Variants in RPS6KA2 observed in about 807,000 individuals in gnomAD.
RPS6KA2 encodes ribosomal protein S6 kinase alpha-2.
In RPS6KA2, 42 loss-of-function variants were observed where a neutral mutation model predicts 91.8. That is an observed-to-expected ratio of 0.46 (90% confidence interval 0.36 to 0.59). RPS6KA2 has a LOEUF of 0.59. RPS6KA2 is among the 20% of genes least tolerant of loss of function. The pLI is 0.00. For synonymous variants in RPS6KA2, 414 were observed against 393.6 expected (o/e 1.05, Z -0.61); for missense variants, 798 against 978.5 (o/e 0.82, Z 2.46).
chr6:166,626,642 C>G lies in RPS6KA2; in HGVS notation c.99+279G>C, dbSNP rs947196496. Among the ~76,000 whole-genome samples, 2 of 152,232 alleles carry G rather than the reference C, an allele frequency of 1.3e-5. No individual in the cohort carries two copies. The highest frequency in any genetic ancestry group is 2.9e-5 in the Non-Finnish European group (2 of 68,026). Reference sequence around the variant, plus strand: ...GGGGCTCCCTGTGGCCCACAGGGGACCATCCCACACCCCGTGCAGCCAGCG... The same window carrying G: ...GGGGCTCCCTGTGGCCCACAGGGGAGCATCCCACACCCCGTGCAGCCAGCG... On this transcript the variant is annotated intron_variant, in intron 1 of 20. Coordinates refer to ENST00000265678, the MANE Select transcript of RPS6KA2 (RefSeq NM_021135.6). This position sits in a 1 kb window ranked among gnomAD's most constrained non-coding sequence, Gnocchi z 4.1.
In RPS6KA2 at chr6:166,691,415, C is replaced by G. The variant is rs201077569; in HGVS notation, c.124-152631G>C. The stretch of plus-strand genomic sequence containing the variant: ...AGGCTATTCCCAAAATAACTCTTCT[C>G]GTGTGTCACTCCCTGCCCCAGGCGC... On this transcript the variant is annotated intron_variant, in intron 2 of 21. Transcript: ENST00000503859. Among the ~76,000 whole-genome samples the G allele has an allele frequency of 3.9e-4, 60 of 152,294 alleles. 2 individuals carry two copies. The East Asian group carries it at 0.011, about 28-fold the overall frequency.
chr6:166,586,483 AAATC>A (rs1318888402), intron 1 of RPS6KA2: 1 of 1,596,600 alleles, frequency 6.3e-7, no homozygotes, highest in Non-Finnish European at 8.5e-7. Flanking sequence ...GTCATTCTGA[AAATC>A]CCAAAGGTTT....
Position 166,432,458 on chromosome 6 carries a change from T to C in RPS6KA2, c.1365A>G (p.Glu455=). The part of the protein sequence containing the change: ...IIDKSKRDPS[E]EIEILLRYGQ... ...CGTACCGCAGGAGGATCTCAATCTC[T>C]TCCGAGGGGTCTCTCTTGCTCTTAT... Residue 455 remains glutamate, a synonymous_variant, in exon 15 of 21, where the codon GAA becomes GAG. Transcript: ENST00000265678. The C allele has an allele frequency of 1.2e-6, 2 of 1,613,508 alleles. No individual in the cohort carries two copies. Among genetic ancestry groups the C allele is most frequent in the Non-Finnish European group, 1.7e-6 (2 of 1,179,462 alleles).
Position 166,770,925 on chromosome 6 carries a change from G to C in RPS6KA2, c.123+87275C>G. On this transcript the variant is annotated intron_variant, in intron 2 of 21. Transcript: ENST00000503859. The surrounding 1 kb of genome is among the most constrained non-coding windows in gnomAD (Gnocchi z 5.1). ...GAGTCACTTTTGCCCTGTGAAAATG[G>C]AAACGAAGAAAGAATTCCTTTAAGT... The C allele has an allele frequency of 1.3e-6, 2 of 1,593,300 alleles. No individual in the cohort carries two copies. Among genetic ancestry groups the C allele is most frequent in the Non-Finnish European group, 1.7e-6 (2 of 1,178,600 alleles).
chr6:166,701,465 T>G, intron 2 of RPS6KA2: 1 of 1,154,282 alleles, frequency 8.7e-7, no homozygotes, highest in Non-Finnish European at 1.3e-6. Flanking sequence ...GATCCAGCGA[T>G]CATCACCATC....
intron 2 of RPS6KA2, among the ~76,000 whole-genome samples, chr6:166,771,643 C>G (rs368524480): frequency 3.9e-5 from 6 of 152,318 alleles, no homozygotes; most frequent in Admixed American, 2.0e-4. Context: ...GTTCTCTGTT[C>G]CTTGGCTCAT....
chr6:166,570,594 T>C (rs1360273734), intron 1 of RPS6KA2, among the ~76,000 whole-genome samples: 1 of 152,224 alleles, frequency 6.6e-6, no homozygotes, highest in African/African-American at 2.4e-5. Context: ...TGCTTGTATA[T>C]TCAGCATAAA....
At chr6:166,431,367 T>C (rs139421678) in intron 15 of RPS6KA2, among the ~76,000 whole-genome samples, 40 of 152,334 alleles carry the variant, frequency 2.6e-4, no homozygotes, top group Non-Finnish European at 4.0e-4. Context: ...CATGTTCTGG[T>C]CCTGCAGACT....
intron 2 of RPS6KA2, among the ~76,000 whole-genome samples, chr6:166,808,068 G>A (rs1217482612): frequency 1.3e-5 from 2 of 151,850 alleles, no homozygotes; most frequent in African/African-American, 2.4e-5. Context: ...AGGGCAGCAC[G>A]ATGGACCCAT....
chr6:166,760,248 G>T (rs149323343), intron 2 of RPS6KA2, among the ~76,000 whole-genome samples: 1 of 152,164 alleles, frequency 6.6e-6, no homozygotes, highest in Non-Finnish European at 1.5e-5. Flanking sequence ...GGCTCATTCT[G>T]GTGAACAAAT....
intron 2 of RPS6KA2, among the ~76,000 whole-genome samples, chr6:166,645,914 G>C (rs1014795431): frequency 6.6e-6 from 1 of 152,234 alleles, no homozygotes; most frequent in Admixed American, 6.5e-5. Context: ...GTGAACTAAA[G>C]GATGCAAAGA....
At chr6:166,645,881 AG>A (rs1323521907) in intron 2 of RPS6KA2, among the ~76,000 whole-genome samples, 5 of 152,252 alleles carry the variant, frequency 3.3e-5, no homozygotes, top group Non-Finnish European at 7.3e-5. Context: ...TATTTGGCCA[AG>A]TCTGGAGAAA....
rs762588569 is a variant in RPS6KA2, at chr6:166,494,861, C to T, written c.747+3647G>A. Among the ~76,000 whole-genome samples, 6 of 152,250 alleles carry T rather than the reference C, an allele frequency of 3.9e-5. No homozygotes were observed. Among genetic ancestry groups the T allele is most frequent in the Non-Finnish European group, 5.9e-5 (4 of 68,048 alleles). The stretch of plus-strand genomic sequence containing the variant: ...CCTCAGCACGCGGCCTCCAGGGTCT[C>T]AGCCTTCTTTTAAAACAAGGCCCCT... On this transcript the variant is annotated intron_variant, in intron 8 of 20. Coordinates refer to ENST00000265678, the MANE Select transcript of RPS6KA2 (RefSeq NM_021135.6). This position sits in a 1 kb window ranked among gnomAD's most constrained non-coding sequence, Gnocchi z 5.1.
chr6:166,604,579 G>A (rs999265472), intron 1 of RPS6KA2, among the ~76,000 whole-genome samples: 4 of 152,190 alleles, frequency 2.6e-5, no homozygotes, highest in Admixed American at 1.3e-4. Context: ...CTCATATGCC[G>A]TGCCTCGGGC....
At chr6:166,854,017 G>A (rs1314830687) in intron 2 of RPS6KA2, among the ~76,000 whole-genome samples, 2 of 152,188 alleles carry the variant, frequency 1.3e-5, no homozygotes, top group African/African-American at 4.8e-5. Context: ...TCTTAAAGAC[G>A]TATTGCCTGA....
chr6:166,691,641 G>A (rs550653987), intron 2 of RPS6KA2, among the ~76,000 whole-genome samples: 1 of 152,206 alleles, frequency 6.6e-6, no homozygotes, highest in African/African-American at 2.4e-5. Flanking sequence ...TCCACATTTT[G>A]ACACGACTTA....
chr6:166,647,823 C>A (rs1787667997), intron 2 of RPS6KA2, among the ~76,000 whole-genome samples: 1 of 134,216 alleles, frequency 7.5e-6, no homozygotes. Flanking sequence ...CATGCTCACA[C>A]ACATGCACAT....
intron 2 of RPS6KA2, among the ~76,000 whole-genome samples, chr6:166,839,009 G>C (rs1326449785): frequency 2.0e-5 from 3 of 152,168 alleles, no homozygotes; most frequent in African/African-American, 4.8e-5. Context: ...ACCTCTGGAG[G>C]CTGGCACAGG....
In RPS6KA2 at chr6:166,412,489, C is replaced by T; in HGVS notation, c.*273G>A. On this transcript the variant is annotated 3_prime_UTR_variant, in exon 21 of 21. Transcript: ENST00000265678. The surrounding 1 kb of genome is among the most constrained non-coding windows in gnomAD (Gnocchi z 4.3). ...GACCCGCGGGCTCTGAAAGAAGCCC[C>T]CGGCCTCGCACGGGCACGCGAGGTG... 1 of 282,696 alleles carries T rather than the reference C, an allele frequency of 3.5e-6. No homozygotes were observed. Among genetic ancestry groups the T allele is most frequent in the Non-Finnish European group, 6.6e-6 (1 of 150,794 alleles). The allele number at this position is 282,696 out of a possible 1,614,324, so 17.5% of individuals were successfully genotyped here.
Sources: allele counts gnomAD v4.1 joint callset (sites outside exome capture counted in the v4.1 genomes callset), GRCh38; gene constraint gnomAD v4.1.1; non-coding constraint Gnocchi (gnomAD v3.1); transcripts MANE v1.5; gene names NCBI Gene and HGNC (gene_info 2026-07-23, HGNC 2026-07-21).